Variants in WNT7B observed in about 807,000 individuals in gnomAD.
WNT7B encodes the protein Wnt family member 7B.
WNT7B carries 19 observed loss-of-function variants against 38.2 expected under a neutral mutation model. The observed-to-expected ratio is 0.50, with a 90% confidence interval of 0.35 to 0.73. The LOEUF is 0.73. Ranked by LOEUF, WNT7B falls within the 30% of genes least tolerant of loss-of-function variation. The probability of loss-of-function intolerance (pLI) is 0.01; values close to 1 mark genes in which losing one functional copy is unlikely to be tolerated. For synonymous variants in WNT7B, 243 were observed against 209.3 expected (o/e 1.16, Z -1.39); for missense variants, 423 against 507.9 (o/e 0.83, Z 1.61).
chr22:45,928,058 C>T (rs1751107275), intron 3 of WNT7B, among the ~76,000 whole-genome samples: 1 of 152,220 alleles, frequency 6.6e-6, no homozygotes, highest in African/African-American at 2.4e-5. Flanking sequence ...GAGTGCAGCC[C>T]TGCCAACCAG....
At chr22:45,935,906 G>C (rs1931503642) in intron 2 of WNT7B, 1 of 985,322 alleles carries the variant, frequency 1.0e-6, no homozygotes, top group Non-Finnish European at 1.2e-6. Context: ...CGGATGCTCT[G>C]TTTGGGGCCG....
In WNT7B at chr22:45,951,406, C is replaced by T. The variant is rs781749121; in HGVS notation, c.72-1260G>A. Among the ~76,000 whole-genome samples, 6 of 152,026 alleles carry T rather than the reference C, an allele frequency of 3.9e-5. No homozygotes were observed. Among genetic ancestry groups the T allele is most frequent in the Admixed American group, 3.3e-4 (5 of 15,264 alleles). On this transcript the variant is annotated intron_variant, in intron 1 of 3. Coordinates refer to ENST00000339464, the MANE Select transcript of WNT7B (RefSeq NM_058238.3). The surrounding 1 kb of genome is among the most constrained non-coding windows in gnomAD (Gnocchi z 4.8). Reference sequence around the variant, plus strand: ...GTGTTTTTTTAATGAGGTGAAATTCCCATAACATAAAATGAACCATTTTGA... The same window carrying T: ...GTGTTTTTTTAATGAGGTGAAATTCTCATAACATAAAATGAACCATTTTGA...
At chr22:45,938,103 G>T (rs1335244550) in intron 2 of WNT7B, among the ~76,000 whole-genome samples, 5 of 152,188 alleles carry the variant, frequency 3.3e-5, no homozygotes, top group Admixed American at 6.5e-5. Flanking sequence ...ATAAAGAAAA[G>T]GTGGTATAGA....
At chr22:45,946,627 G>T (rs377230273) in intron 2 of WNT7B, among the ~76,000 whole-genome samples, 8 of 152,192 alleles carry the variant, frequency 5.3e-5, no homozygotes, top group Non-Finnish European at 1.2e-4. Context: ...CCAGGCACGA[G>T]GGGGACCACA....
intron 1 of WNT7B, among the ~76,000 whole-genome samples, chr22:45,952,500 C>T (rs1931956956): frequency 1.3e-5 from 2 of 152,208 alleles, no homozygotes; most frequent in African/African-American, 4.8e-5. Context: ...GAATTCAGCC[C>T]AAAGTAATTG....
chr22:45,948,944 A>C lies in WNT7B; in HGVS notation c.298+976T>G, dbSNP rs969416637. ...ACTGCAACCTCTCTCCGCCTCCCGG[A>C]TTCAAGCAATTCTCCTCCTTCAGCC... On this transcript the variant is annotated intron_variant, in intron 2 of 3. Transcript: ENST00000339464. Among the ~76,000 whole-genome samples the C allele has an allele frequency of 5.5e-5, 8 of 144,894 alleles. 1 individual carries two copies. Among genetic ancestry groups the C allele is most frequent in the Non-Finnish European group, 1.2e-4 (8 of 67,318 alleles).
chr22:45,960,986 C>T (rs934484184), intron 1 of WNT7B, among the ~76,000 whole-genome samples: 34 of 152,160 alleles, frequency 2.2e-4, no homozygotes, highest in African/African-American at 8.0e-4. Flanking sequence ...TGAGGTCATT[C>T]AGCAGACCCC....
At position 45,921,625 on chromosome 22, in the gene WNT7B, CA is replaced by C. The variant is rs1930930432; in HGVS notation, c.*1230del. 1 of 152,246 alleles carries C rather than the reference CA, an allele frequency of 6.6e-6. No homozygotes were observed. The highest frequency in any genetic ancestry group is 2.1e-4 in the South Asian group (1 of 4,836). 9.4% of individuals were successfully genotyped at this position (152,246 alleles called of 1,614,324 possible). A position where few individuals can be genotyped will look rare whatever the true frequency, so the allele number is the denominator to read the frequency against. On this transcript the variant is annotated 3_prime_UTR_variant, in exon 4 of 4. Transcript: ENST00000339464. ...CCTGACCCCCGCGGCAGCACTGTCC[CA>C]GGGGTCAGGCTGGCTCCAGGGGGAA...
At chr22:45,963,894 A>C (rs1932251650) in intron 1 of WNT7B, among the ~76,000 whole-genome samples, 1 of 152,016 alleles carries the variant, frequency 6.6e-6, no homozygotes, top group African/African-American at 2.4e-5. Flanking sequence ...TGGCTCCTAA[A>C]GATGCCAGAA....
chr22:45,958,983 C>T (rs1569122695), intron 1 of WNT7B, among the ~76,000 whole-genome samples: 3 of 152,312 alleles, frequency 2.0e-5, no homozygotes, highest in East Asian at 1.9e-4. Context: ...GGGCCCTCCC[C>T]GAACAGGTCC....
intron 1 of WNT7B, among the ~76,000 whole-genome samples, chr22:45,968,321 G>A (rs1019845567): frequency 2.6e-5 from 4 of 152,244 alleles, no homozygotes; most frequent in African/African-American, 7.2e-5. Context: ...CCCTGTTCCT[G>A]ATAGCTGAGA....
At chr22:45,972,120 A>ACCCCCCCCCCCCCCC in intron 1 of WNT7B, 1 of 155,366 alleles carries the variant, frequency 6.4e-6, no homozygotes. Flanking sequence ...GGGGGAGCCC[A>ACCCCCCCCCCCCCCC]CCCGCCCACC....
At position 45,938,536 on chromosome 22, in the gene WNT7B, C is replaced by A. The variant is rs141318335; in HGVS notation, c.299-7167G>T. On this transcript the variant is annotated intron_variant, in intron 2 of 3. Transcript: ENST00000339464. ...CCTGTAATACCAGCTACTTGGGAGG[C>A]TGAGGCAGGAGAATCGCTTGAACCT... 6.1e-3 allele frequency among the ~76,000 whole-genome samples: 926 copies of A among 152,006 alleles called. 8 individuals are homozygous for A. The highest frequency in any genetic ancestry group is 0.021 in the African/African-American group (871 of 41,440).
intron 1 of WNT7B, among the ~76,000 whole-genome samples, chr22:45,973,592 C>G (rs1338131206): frequency 6.6e-6 from 1 of 152,184 alleles, no homozygotes; most frequent in Non-Finnish European, 1.5e-5. Flanking sequence ...TTCCAGTGAG[C>G]AGAGAGTGTC....
chr22:45,970,231 C>T (rs904560349), intron 1 of WNT7B, among the ~76,000 whole-genome samples: 16 of 152,314 alleles, frequency 1.1e-4, no homozygotes, highest in African/African-American at 3.6e-4. Flanking sequence ...GGGATGCAGT[C>T]TGCCTTCCTG....
intron 1 of WNT7B, among the ~76,000 whole-genome samples, chr22:45,969,919 AC>A (rs1050071144): frequency 4.6e-5 from 7 of 151,982 alleles, no homozygotes; most frequent in Non-Finnish European, 1.0e-4. Context: ...GTCGGCTGAC[AC>A]TCACCCCCAC....
rs191800135 is a variant in WNT7B at position 45,956,826 on chromosome 22, G to A, written c.72-6680C>T. The stretch of plus-strand genomic sequence containing the variant: ...GATTCCACCACTTCTGAAAATCCCC[G>A]GCCAGGCGCGGTGGCTCACGCCTGT... On this transcript the variant is annotated intron_variant, in intron 1 of 3. Transcript: ENST00000339464. Among the ~76,000 whole-genome samples, 825 of 152,300 alleles carry A rather than the reference G, an allele frequency of 5.4e-3. 4 individuals are homozygous for A. Among genetic ancestry groups the A allele is most frequent in the Non-Finnish European group, 8.0e-3 (543 of 68,024 alleles).
chr22:45,968,721 G>C (rs1039325052), intron 1 of WNT7B, among the ~76,000 whole-genome samples: 1 of 152,146 alleles, frequency 6.6e-6, no homozygotes, highest in Admixed American at 6.5e-5. Context: ...TGTGATTAGG[G>C]AGGCTCCACT....
At chr22:45,959,907 C>T (rs1266909435) in intron 1 of WNT7B, among the ~76,000 whole-genome samples, 2 of 152,216 alleles carry the variant, frequency 1.3e-5, no homozygotes, top group Non-Finnish European at 2.9e-5. Context: ...GCCCGGGCCT[C>T]AGCATCCCAG....
Sources: allele counts gnomAD v4.1 joint callset (sites outside exome capture counted in the v4.1 genomes callset), GRCh38; gene constraint gnomAD v4.1.1; non-coding constraint Gnocchi (gnomAD v3.1); transcripts MANE v1.5; gene names NCBI Gene and HGNC (gene_info 2026-07-23, HGNC 2026-07-21).